Variants in TPR observed in about 807,000 individuals in gnomAD.
The protein encoded by TPR is translocated promoter region, nuclear basket protein.
TPR carries 51 observed loss-of-function variants against 316.1 expected under a neutral mutation model. That is an observed-to-expected ratio of 0.16 (90% CI 0.13 to 0.20). The LOEUF (loss-of-function observed/expected upper bound fraction) is 0.20, where lower values mean the gene tolerates loss of function less well. Among genes scored for constraint, TPR ranks in the 10% least tolerant of loss-of-function variants. TPR has a pLI of 1.00. For synonymous variants in TPR, 981 were observed against 914.7 expected (o/e 1.07, Z -1.31); for missense variants, 2,272 against 2,754.8 (o/e 0.82, Z 3.92).
rs1331696096 is a variant in TPR at position 186,357,627 on chromosome 1, A to G, written c.1498-4T>C. The G allele has an allele frequency of 1.3e-6, 2 of 1,585,300 alleles. No homozygotes were observed. The highest frequency in any genetic ancestry group is 1.7e-6 in the Non-Finnish European group (2 of 1,166,616). The stretch of plus-strand genomic sequence containing the variant: ...GTTCCATCAAAAGCACTCTAATCTA[A>G]AAACAAAGTTTTAATATGTTATAAA... On this transcript the variant is annotated splice_polypyrimidine_tract_variant and splice_region_variant and intron_variant, in intron 13 of 50. Coordinates refer to ENST00000367478, the MANE Select transcript of TPR (RefSeq NM_003292.3).
At chr1:186,368,622 C>A (rs532096560) in intron 3 of TPR, among the ~76,000 whole-genome samples, 36 of 152,304 alleles carry the variant, frequency 2.4e-4, no homozygotes, top group African/African-American at 8.7e-4. Flanking sequence ...AAACAAAAAA[C>A]TTGTCAAACT....
rs1488843709 is a variant in TPR at position 186,333,067 on chromosome 1, C to T, written c.5455+55G>A. 6 of 1,577,948 alleles carry T rather than the reference C, an allele frequency of 3.8e-6. No individual in the cohort carries two copies. The East Asian group carries it at 9.1e-5, about 24-fold the overall frequency. On this transcript the variant is annotated intron_variant, in intron 37 of 50. Coordinates refer to ENST00000367478, the MANE Select transcript of TPR (RefSeq NM_003292.3). ...AAGATATATATACTCAAGATACACT[C>T]AAGATCTTATAAATGCATAGGTCTA... is the stretch of plus-strand genomic sequence containing the variant.
At chr1:186,351,255 G>A in intron 20 of TPR, 75 bp downstream of exon 20, 1 of 1,424,146 alleles carries the variant, frequency 7.0e-7, no homozygotes, top group Non-Finnish European at 9.3e-7. Flanking sequence ...CATCTTGGAT[G>A]GCAGACTGTC....
rs1310075806 is a variant in TPR at position 186,374,860 on chromosome 1, A to G, written c.151+18T>C. 6.3e-7 allele frequency: 1 copy of G among 1,582,152 alleles called. No homozygotes were observed. Among genetic ancestry groups the G allele is most frequent in the South Asian group, 1.1e-5 (1 of 88,870 alleles). On this transcript the variant is annotated intron_variant, in intron 1 of 50. Transcript: ENST00000367478. ...GAGTCGAGCCCAAAACCAAGGACGG[A>G]AAGAGCATCTCACTTACCGCTCTCC...
intron 29 of TPR, 148 bp from the exon 30 acceptor site, chr1:186,339,920 A>G (rs1261320039): frequency 3.3e-6 from 2 of 597,172 alleles, no homozygotes; most frequent in African/African-American, 3.9e-5. Flanking sequence ...CTAAGATCAA[A>G]CTAAGCTTTG....
In TPR at chr1:186,313,696, T is replaced by C. The variant is rs748714300; in HGVS notation, c.*275A>G. The C allele has an allele frequency of 2.2e-5, 35 of 1,601,736 alleles. No individual in the cohort carries two copies. The highest frequency in any genetic ancestry group is 1.6e-4 in the Middle Eastern group (1 of 6,064). Reference sequence around the variant, plus strand: ...TTCCATTTAGATCAATACTATAACATTGATGTGCCTAGTAGAACAGCAAGA... The same window carrying C: ...TTCCATTTAGATCAATACTATAACACTGATGTGCCTAGTAGAACAGCAAGA... On this transcript the variant is annotated 3_prime_UTR_variant, in exon 51 of 51. Transcript: ENST00000367478.
At position 186,334,999 on chromosome 1, in the gene TPR, A is replaced by G. The variant is rs572767691; in HGVS notation, c.4973+69T>C. Reference sequence around the variant, plus strand: ...ATACACAGATTTCTTTTTCCTAAACAGAAAGATCACTAGATATTCCCTGAG... The same window carrying G: ...ATACACAGATTTCTTTTTCCTAAACGGAAAGATCACTAGATATTCCCTGAG... On this transcript the variant is annotated intron_variant, in intron 35 of 50. Coordinates refer to ENST00000367478, the MANE Select transcript of TPR (RefSeq NM_003292.3). 218 of 1,484,824 alleles carry G rather than the reference A, an allele frequency of 1.5e-4. 1 individual carries two copies. The South Asian group carries it at 2.4e-3, about 17-fold the overall frequency. The allele number at this position is 1,484,824 out of a possible 1,614,324, so 92.0% of individuals were successfully genotyped here. A position where few individuals can be genotyped will look rare whatever the true frequency, so the allele number is the denominator to read the frequency against.
chr1:186,373,682 A>G (rs1270513607), intron 1 of TPR, among the ~76,000 whole-genome samples: 1 of 152,208 alleles, frequency 6.6e-6, no homozygotes, highest in Non-Finnish European at 1.5e-5. Context: ...TAAAAAATAA[A>G]AATAAGGCCT....
chr1:186,369,256 A>T, intron 3 of TPR, among the ~76,000 whole-genome samples: 1 of 152,150 alleles, frequency 6.6e-6, no homozygotes, highest in East Asian at 1.9e-4. Flanking sequence ...TGATTCCATC[A>T]GAATTTCAGA....
intron 34 of TPR, 32 bp downstream of exon 34, chr1:186,335,306 A>G (rs761467920): frequency 4.4e-6 from 7 of 1,606,040 alleles, no homozygotes; most frequent in Middle Eastern, 1.7e-4. Context: ...AAAGAAAAAC[A>G]ATTTGTTACT....
In TPR at chr1:186,327,207, TATAATATATATAA is replaced by T. The variant is rs1469778907; in HGVS notation, c.5889+240_5889+252del. On this transcript the variant is annotated intron_variant, in intron 40 of 50. Transcript: ENST00000367478. ...TAAATATATATTATATATTTATATA[TATAATATATATAA>T]ATATATAATATATATTTATATATAT... Among the ~76,000 whole-genome samples the T allele has an allele frequency of 3.3e-4, 10 of 30,210 alleles. 4 individuals carry two copies. The highest frequency in any genetic ancestry group is 1.2e-3 in the Admixed American group (2 of 1,634). The allele number at this position is 30,210 out of a possible 152,430, so 19.8% of individuals were successfully genotyped here.
chr1:186,317,661 C>G lies in TPR; in HGVS notation c.6822-61G>C, dbSNP rs967969611. On this transcript the variant is annotated intron_variant, in intron 48 of 50. Transcript: ENST00000367478. Reference sequence around the variant, plus strand: ...TCCTACAGTCAATCATAAATTATATCCACTCTTTTAAATCTATTTTATCAC... The same window carrying G: ...TCCTACAGTCAATCATAAATTATATGCACTCTTTTAAATCTATTTTATCAC... 4.8e-6 allele frequency: 7 copies of G among 1,451,028 alleles called. No individual in the cohort carries two copies. In the African/African-American group the frequency reaches 9.9e-5, roughly 21 times the overall value. 89.9% of individuals were successfully genotyped at this position (1,451,028 alleles called of 1,614,324 possible). A position where few individuals can be genotyped will look rare whatever the true frequency, so the allele number is the denominator to read the frequency against.
Position 186,341,404 on chromosome 1 carries a change from T to C in TPR, c.3751-15A>G, listed in dbSNP as rs754832641. 1.9e-6 allele frequency: 3 copies of C among 1,608,442 alleles called. No individual in the cohort carries two copies. The Admixed American group carries it at 5.0e-5, about 27-fold the overall frequency. Reference sequence around the variant, plus strand: ...TTTGCAGTTACCTAAACATTTCAAATAAATATACATACCAACATCTAACAA... The same window carrying C: ...TTTGCAGTTACCTAAACATTTCAAACAAATATACATACCAACATCTAACAA... On this transcript the variant is annotated splice_polypyrimidine_tract_variant and intron_variant, in intron 27 of 50. Transcript: ENST00000367478.
chr1:186,361,135 C>T (rs1659173441), intron 9 of TPR, among the ~76,000 whole-genome samples: 2 of 151,758 alleles, frequency 1.3e-5, no homozygotes, highest in Non-Finnish European at 2.9e-5. Context: ...TAAGGAAACC[C>T]AAAGGGTAAA....
chr1:186,358,273 G>A (rs1659085527), intron 13 of TPR, among the ~76,000 whole-genome samples: 2 of 152,096 alleles, frequency 1.3e-5, no homozygotes. Context: ...GAGGGTAGAG[G>A]GGTAGAAATT....
At position 186,337,144 on chromosome 1, in the gene TPR, A is replaced by T; in HGVS notation, c.4375T>A (p.Ser1459Thr). 6.2e-7 allele frequency: 1 copy of T among 1,613,592 alleles called. No individual in the cohort carries two copies. The highest frequency in any genetic ancestry group is 8.5e-7 in the Non-Finnish European group (1 of 1,179,682). Residue 1459 changes from serine (S) to threonine (T), a missense_variant, in exon 32 of 51, where the codon TCG becomes ACG. Physicochemically the swap from Ser to Thr is moderately conservative, Grantham distance 58. Around this residue, in one of 10 missense-constraint regions of TPR, gnomAD observed 101 missense variants for 113.0 expected, o/e 0.89. Transcript: ENST00000367478. The stretch of plus-strand genomic sequence containing the variant: ...TGATGGTCTCCAGAGGACTGAGCCG[A>T]TGTCTCCATAACCTAAGACAACAAA... ...KAQQDKVMET[S>T]AQSSGDHQEQ...
At chr1:186,353,337 A>G (rs1323497935) in intron 18 of TPR, among the ~76,000 whole-genome samples, 1 of 150,996 alleles carries the variant, frequency 6.6e-6, no homozygotes, top group African/African-American at 2.4e-5. Context: ...GTGCCACTGC[A>G]CTCCAGCCTG....
At chr1:186,314,427 C>A (rs1211238840) in intron 50 of TPR, 1 of 383,404 alleles carries the variant, frequency 2.6e-6, no homozygotes, top group Admixed American at 4.1e-5. Context: ...AATATAAGCA[C>A]ATATTTATTA....
Position 186,335,050 on chromosome 1 carries a change from G to A in TPR, c.4973+18C>T, listed in dbSNP as rs1658298422. On this transcript the variant is annotated intron_variant, in intron 35 of 50. Transcript: ENST00000367478. Reference sequence around the variant, plus strand: ...CTTTAAAAGAAAAATAACAGACTATGAAATAACTAAAACTCACATTCCTCT... The same window carrying A: ...CTTTAAAAGAAAAATAACAGACTATAAAATAACTAAAACTCACATTCCTCT... 6.2e-7 allele frequency: 1 copy of A among 1,609,108 alleles called. No homozygotes were observed. The highest frequency in any genetic ancestry group is 8.5e-7 in the Non-Finnish European group (1 of 1,178,048).
Sources: allele counts gnomAD v4.1 joint callset (sites outside exome capture counted in the v4.1 genomes callset), GRCh38; gene constraint gnomAD v4.1.1; regional missense constraint gnomAD v4.1.1; transcripts MANE v1.5; gene names NCBI Gene and HGNC (gene_info 2026-07-23, HGNC 2026-07-21).